The following SLC11A2 variants were observed in gnomAD, a reference collection of about 807,000 sequenced individuals.
SLC11A2 encodes solute carrier family 11 member 2.
SLC11A2 carries 38 observed loss-of-function variants against 68.0 expected under a neutral mutation model. The observed-to-expected ratio is 0.56, with a 90% confidence interval of 0.43 to 0.73. SLC11A2 has a LOEUF of 0.73. Among genes scored for constraint, SLC11A2 ranks in the 30% least tolerant of loss-of-function variants. SLC11A2 has a pLI of 0.00. For synonymous variants in SLC11A2, 242 were observed against 250.6 expected (o/e 0.97, Z 0.32); for missense variants, 517 against 690.5 (o/e 0.75, Z 2.82).
In SLC11A2 at chr12:50,996,758, T is replaced by C. The variant is rs113615911; in HGVS notation, c.831+59A>G. On this transcript the variant is annotated intron_variant, in intron 9 of 15. Coordinates refer to ENST00000262052, the MANE Select transcript of SLC11A2 (RefSeq NM_000617.3). Reference sequence around the variant, plus strand: ...TAAACTAACTTTGTGTCCCTTGCAATTGAAGGAAAAGATCCCATGAACTGT... The same window carrying C: ...TAAACTAACTTTGTGTCCCTTGCAACTGAAGGAAAAGATCCCATGAACTGT... 37 of 1,550,408 alleles carry C rather than the reference T, an allele frequency of 2.4e-5. No homozygotes were observed. The African/African-American group carries it at 2.8e-4, about 12-fold the overall frequency.
intron 4 of SLC11A2, 56 bp from the exon 5 acceptor site, chr12:51,004,963 T>A: frequency 6.2e-7 from 1 of 1,603,098 alleles, no homozygotes; most frequent in Non-Finnish European, 8.5e-7. Flanking sequence ...TTTTGTCTGT[T>A]TGTTTGTTTA....
chr12:51,013,725 C>A (rs1033584976), intron 1 of SLC11A2, among the ~76,000 whole-genome samples: 1 of 151,718 alleles, frequency 6.6e-6, no homozygotes, highest in African/African-American at 2.4e-5. Context: ...GGTGACACAG[C>A]GAGGCCTTGT....
chr12:50,979,231 C>T (rs10506299), downstream of SLC11A2, among the ~76,000 whole-genome samples: 22,189 of 152,202 alleles, frequency 0.15, 1,865 homozygotes, highest in South Asian at 0.26. Flanking sequence ...ACCTCCTCTA[C>T]TGGCTTTGAC....
chr12:51,020,371 C>T (rs1943956078), intron 1 of SLC11A2, among the ~76,000 whole-genome samples: 1 of 151,496 alleles, frequency 6.6e-6, no homozygotes, highest in Admixed American at 6.6e-5. Flanking sequence ...TAAAATGATA[C>T]ACAGAAAAAA....
At chr12:50,968,389 TTG>T in the SLC11A2 span, among the ~76,000 whole-genome samples, 6 of 151,948 alleles carry the variant, frequency 3.9e-5, no homozygotes, top group African/African-American at 1.2e-4. Flanking sequence ...GATTCTTTTT[TTG>T]TGTGTGTGTG....
the SLC11A2 span, among the ~76,000 whole-genome samples, chr12:50,957,568 A>C: frequency 2.0e-5 from 3 of 151,904 alleles, no homozygotes; most frequent in African/African-American, 7.3e-5. Context: ...TACTAACAAG[A>C]AGCATCTGGA....
chr12:50,993,085 T>C (rs224570), intron 11 of SLC11A2, 156 bp from the exon 12 acceptor site: 770,456 of 826,378 alleles, frequency 0.93, 359,818 homozygotes, highest in East Asian at 0.98. Context: ...GGCTCAAGTC[T>C]GGACCTCATT....
chr12:50,980,441 A>C (rs1939957491), downstream of SLC11A2: 1 of 153,130 alleles, frequency 6.5e-6, no homozygotes, highest in Non-Finnish European at 1.5e-5. Context: ...GGTTACAGTG[A>C]ACTGAGATCA....
chr12:50,995,863 T>A, intron 9 of SLC11A2, 76 bp from the exon 10 acceptor site: 4 of 1,448,100 alleles, frequency 2.8e-6, no homozygotes, highest in Non-Finnish European at 3.9e-6. Flanking sequence ...GAGTTTGGAG[T>A]CAGCTGAGAG....
At chr12:50,967,860 G>A in the SLC11A2 span, among the ~76,000 whole-genome samples, 5 of 152,100 alleles carry the variant, frequency 3.3e-5, no homozygotes, top group African/African-American at 1.2e-4. Context: ...TCCAAGGCAG[G>A]AGAATCACTT....
At chr12:50,971,546 C>T in the SLC11A2 span, among the ~76,000 whole-genome samples, 3 of 152,160 alleles carry the variant, frequency 2.0e-5, no homozygotes, top group African/African-American at 7.2e-5. Context: ...GTAGAAAACA[C>T]AAGAAACCAA....
At chr12:50,998,784 A>G (rs1003055454) in intron 8 of SLC11A2, among the ~76,000 whole-genome samples, 1 of 152,182 alleles carries the variant, frequency 6.6e-6, no homozygotes, top group Non-Finnish European at 1.5e-5. Context: ...GGAAAGTTCA[A>G]GCTGCAATTA....
intron 5 of SLC11A2, 113 bp downstream of exon 5, chr12:51,004,675 A>G: frequency 8.5e-7 from 1 of 1,175,310 alleles, no homozygotes. Flanking sequence ...CTTCAGGGCC[A>G]CTGACCCCCA....
At chr12:51,015,611 C>T (rs537349118) in intron 1 of SLC11A2, among the ~76,000 whole-genome samples, 5 of 151,994 alleles carry the variant, frequency 3.3e-5, no homozygotes, top group African/African-American at 1.2e-4. Context: ...AATATTAAGA[C>T]AGTTTTGCTC....
chr12:50,970,092 T>C, the SLC11A2 span, among the ~76,000 whole-genome samples: 2 of 152,168 alleles, frequency 1.3e-5, no homozygotes. Flanking sequence ...TTCCTCGGGA[T>C]ACTGAGTACA....
At chr12:50,958,167 T>C in the SLC11A2 span, among the ~76,000 whole-genome samples, 1 of 152,066 alleles carries the variant, frequency 6.6e-6, no homozygotes, top group Non-Finnish European at 1.5e-5. Context: ...CCCAAGTTTA[T>C]CTACAGGCTT....
chr12:50,969,893 CTGACATCCT>C, the SLC11A2 span, among the ~76,000 whole-genome samples: 1 of 152,038 alleles, frequency 6.6e-6, no homozygotes, highest in African/African-American at 2.4e-5. Context: ...AGAACATTTG[CTGACATCCT>C]TGGAACTCAT....
chr12:50,981,819 T>G (rs1386566974), downstream of SLC11A2: 4 of 1,456,002 alleles, frequency 2.7e-6, no homozygotes, highest in African/African-American at 5.6e-5. Context: ...GAAAAAAAGA[T>G]GGAAGAGGGT....
Position 50,992,325 on chromosome 12 carries a change from T to A in SLC11A2, c.1212A>T (p.Leu404=). The A allele has an allele frequency of 2.5e-6, 4 of 1,614,004 alleles. No individual in the cohort carries two copies. The highest frequency in any genetic ancestry group is 3.4e-6 in the Non-Finnish European group (4 of 1,179,962). The part of the protein sequence containing the change: ...GQFVMEGFLN[L]KWSRFARVVL... ...CCACTCGGGCAAAGCGTGACCACTT[T>A]AGGTTCAGGAATCCCTGGAAGAAAA... The change falls in exon 13 of 16, where the codon CTA becomes CTT. Residue 404 remains leucine (L), a synonymous_variant. Coordinates refer to ENST00000262052, the MANE Select transcript of SLC11A2 (RefSeq NM_000617.3).
Sources: allele counts gnomAD v4.1 joint callset (sites outside exome capture counted in the v4.1 genomes callset), GRCh38; gene constraint gnomAD v4.1.1; transcripts MANE v1.5; gene names NCBI Gene and HGNC (gene_info 2026-07-23, HGNC 2026-07-21).